GALNTL6: variants seen among roughly 807,000 people sequenced by gnomAD.
GALNTL6 encodes the protein polypeptide N-acetylgalactosaminyltransferase-like 6.
GALNTL6 carries 46 observed loss-of-function variants against 73.7 expected under a neutral mutation model. The observed-to-expected ratio is 0.62, with a 90% CI of 0.49 to 0.80. GALNTL6 has a LOEUF of 0.80. Ranked by LOEUF, GALNTL6 falls within the 30% of genes least tolerant of loss-of-function variation. The probability of loss-of-function intolerance (pLI) is 0.00; values close to 1 mark genes in which losing one functional copy is unlikely to be tolerated. For missense variants in GALNTL6, 604 were observed against 755.0 expected (o/e 0.80, Z 2.34); for synonymous variants, 259 against 263.7 (o/e 0.98, Z 0.17).
At chr4:172,251,090 A>C (rs1367277933) in intron 3 of GALNTL6, among the ~76,000 whole-genome samples, 1 of 152,184 alleles carries the variant, frequency 6.6e-6, no homozygotes, top group East Asian at 1.9e-4. Context: ...GGAGAGATTT[A>C]TTGTAAGAAA....
At chr4:172,277,351 G>A (rs1232361472) in intron 3 of GALNTL6, among the ~76,000 whole-genome samples, 2 of 152,026 alleles carry the variant, frequency 1.3e-5, no homozygotes, top group African/African-American at 4.8e-5. Flanking sequence ...GTTGTTACCT[G>A]TGCCCGGAGC....
chr4:172,916,511 C>T (rs1747519350), intron 8 of GALNTL6, among the ~76,000 whole-genome samples: 1 of 152,088 alleles, frequency 6.6e-6, no homozygotes, highest in South Asian at 2.1e-4. Flanking sequence ...TTGTCTCAGC[C>T]CAAAATCTCC....
In GALNTL6 at chr4:172,597,430, A is replaced by T. The variant is rs564698568; in HGVS notation, c.554-211931A>T. 1.4e-3 allele frequency among the ~76,000 whole-genome samples: 218 copies of T among 152,274 alleles called. 3 individuals are homozygous for T. The South Asian group carries it at 0.044, about 31-fold the overall frequency. ...TTTCTTGTTTCTTACTAACCACTGG[A>T]GAAATACGTTAGGAAATACTTCAGG... On this transcript the variant is annotated intron_variant, in intron 5 of 12. Coordinates refer to ENST00000506823, the MANE Select transcript of GALNTL6 (RefSeq NM_001034845.3).
chr4:172,907,205 T>TA (rs1746945127), intron 8 of GALNTL6, among the ~76,000 whole-genome samples: 2 of 151,678 alleles, frequency 1.3e-5, no homozygotes, highest in Admixed American at 6.6e-5. Context: ...TATAATGTTC[T>TA]AAAAAAACTT....
chr4:172,808,772 T>A (rs1035231747), intron 5 of GALNTL6, among the ~76,000 whole-genome samples: 7 of 152,214 alleles, frequency 4.6e-5, no homozygotes, highest in Admixed American at 1.3e-4. Context: ...AATAGGTAAG[T>A]TCCAAACGAC....
In GALNTL6 at chr4:172,562,572, G is replaced by T. The variant is rs1011111150; in HGVS notation, c.553+213883G>T. Among the ~76,000 whole-genome samples, 6 of 152,266 alleles carry T rather than the reference G, an allele frequency of 3.9e-5. No individual in the cohort carries two copies. In the South Asian group the frequency reaches 6.2e-4, roughly 16 times the overall value. On this transcript the variant is annotated intron_variant, in intron 5 of 12. Transcript: ENST00000506823. ...AAAAAATCAGAACACATCTGTCAAG[G>T]CTGCTGAATGTCCTATGAGAAGCTG...
intron 5 of GALNTL6, among the ~76,000 whole-genome samples, chr4:172,607,296 A>C (rs564594664): frequency 6.6e-6 from 1 of 151,862 alleles, no homozygotes; most frequent in South Asian, 2.1e-4. Context: ...CCTTCCTCCA[A>C]CCTCCACCCT....
At chr4:171,971,203 T>C (rs1004309419) in intron 2 of GALNTL6, among the ~76,000 whole-genome samples, 19 of 152,218 alleles carry the variant, frequency 1.2e-4, no homozygotes, top group African/African-American at 3.9e-4. Context: ...GAAAATGCCA[T>C]AATTATCCTG....
intron 5 of GALNTL6, among the ~76,000 whole-genome samples, chr4:172,366,973 A>G (rs565468364): frequency 1.3e-5 from 2 of 152,362 alleles, no homozygotes; most frequent in South Asian, 2.1e-4. Flanking sequence ...GGTTTCCACC[A>G]AGGAATTAGA....
At chr4:172,525,793 T>G (rs1164888623) in intron 5 of GALNTL6, among the ~76,000 whole-genome samples, 1 of 152,054 alleles carries the variant, frequency 6.6e-6, no homozygotes, top group Admixed American at 6.6e-5. Flanking sequence ...AGCCCAGAAG[T>G]TCAAGGCTGC....
chr4:171,956,310 A>G (rs1579005253), intron 2 of GALNTL6, among the ~76,000 whole-genome samples: 1 of 152,298 alleles, frequency 6.6e-6, no homozygotes, highest in Non-Finnish European at 1.5e-5. Flanking sequence ...CCAGCCATTT[A>G]TTAGTACTTC....
chr4:172,150,366 G>A (rs2110759379), intron 2 of GALNTL6, among the ~76,000 whole-genome samples: 1 of 152,278 alleles, frequency 6.6e-6, no homozygotes, highest in Admixed American at 6.5e-5. Context: ...ACCAGAGGAT[G>A]ACCTATAAAT....
intron 2 of GALNTL6, among the ~76,000 whole-genome samples, chr4:171,909,372 A>G (rs898066303): frequency 6.6e-6 from 1 of 152,136 alleles, no homozygotes; most frequent in African/African-American, 2.4e-5. Flanking sequence ...ACTCAGCAGT[A>G]TGGTCTTGTG....
chr4:172,384,884 T>G (rs2111290307), intron 5 of GALNTL6, among the ~76,000 whole-genome samples: 1 of 152,180 alleles, frequency 6.6e-6, no homozygotes, highest in African/African-American at 2.4e-5. Context: ...TAACTGAAAT[T>G]ATAGACATGG....
intron 2 of GALNTL6, among the ~76,000 whole-genome samples, chr4:172,207,667 C>T (rs1441914628): frequency 6.6e-6 from 1 of 152,106 alleles, no homozygotes; most frequent in Non-Finnish European, 1.5e-5. Flanking sequence ...GACATATAAA[C>T]GCTTGGTTCT....
chr4:172,243,085 G>T lies in GALNTL6; in HGVS notation c.247+13321G>T, dbSNP rs1003741825. On this transcript the variant is annotated intron_variant, in intron 3 of 12. Coordinates refer to ENST00000506823, the MANE Select transcript of GALNTL6 (RefSeq NM_001034845.3). ...TGATCTACACCTGACCCATGTCTCTGACCTCAACTCTTACTGATTGGTGTT... is the reference window on the plus strand; with the variant it reads ...TGATCTACACCTGACCCATGTCTCTTACCTCAACTCTTACTGATTGGTGTT... Among the ~76,000 whole-genome samples the T allele has an allele frequency of 3.3e-5, 5 of 152,234 alleles. No homozygotes were observed. The East Asian group carries it at 9.7e-4, about 29-fold the overall frequency.
intron 5 of GALNTL6, among the ~76,000 whole-genome samples, chr4:172,731,675 G>A (rs1052833434): frequency 6.6e-6 from 1 of 151,864 alleles, no homozygotes; most frequent in Non-Finnish European, 1.5e-5. Flanking sequence ...TTTGATATAA[G>A]CATTTATTGC....
At chr4:172,770,540 G>A (rs1738704319) in intron 5 of GALNTL6, among the ~76,000 whole-genome samples, 1 of 152,000 alleles carries the variant, frequency 6.6e-6, no homozygotes, top group Non-Finnish European at 1.5e-5. Context: ...AAAGTTAAGG[G>A]TACACAAACA....
chr4:172,240,102 T>A (rs1454968931), intron 3 of GALNTL6, among the ~76,000 whole-genome samples: 3 of 152,242 alleles, frequency 2.0e-5, no homozygotes, highest in South Asian at 2.1e-4. Flanking sequence ...GAAATTTTCC[T>A]GGATGACATC....
Sources: allele counts gnomAD v4.1 joint callset (sites outside exome capture counted in the v4.1 genomes callset), GRCh38; gene constraint gnomAD v4.1.1; transcripts MANE v1.5; gene names NCBI Gene and HGNC (gene_info 2026-07-23, HGNC 2026-07-21).